DSCAM: variants seen among roughly 807,000 people sequenced by gnomAD.
The protein encoded by DSCAM is DS cell adhesion molecule, also known as cell adhesion molecule DSCAM.
In DSCAM, 47 loss-of-function variants were observed where a neutral mutation model predicts 217.7. The observed-to-expected ratio is 0.22, with a 90% confidence interval of 0.17 to 0.28. DSCAM has a LOEUF of 0.28. Among genes scored for constraint, DSCAM ranks in the 10% least tolerant of loss-of-function variants. The probability of loss-of-function intolerance (pLI) is 1.00; values close to 1 mark genes in which losing one functional copy is unlikely to be tolerated. For synonymous variants in DSCAM, 1,056 were observed against 1,015.3 expected (o/e 1.04, Z -0.76); for missense variants, 2,080 against 2,618.3 (o/e 0.79, Z 4.49).
In DSCAM at chr21:40,807,948, A is replaced by T. The variant is rs184188893; in HGVS notation, c.43+38671T>A. Among the ~76,000 whole-genome samples the T allele has an allele frequency of 2.0e-3, 301 of 152,270 alleles. 4 individuals carry two copies. The South Asian group carries it at 0.024, about 12-fold the overall frequency. ...GTGGCTTTTGTTGTCTATAGTAGAA[A>T]CTGTGGTCTGCTGTCCAGATTCCTA... On this transcript the variant is annotated intron_variant, in intron 1 of 32. Coordinates refer to ENST00000400454, the MANE Select transcript of DSCAM (RefSeq NM_001389.5).
intron 1 of DSCAM, among the ~76,000 whole-genome samples, chr21:40,827,882 T>C (rs2091983116): frequency 1.3e-5 from 2 of 152,118 alleles, no homozygotes; most frequent in African/African-American, 4.8e-5. Context: ...GATTGGAAAA[T>C]GAAAAACTGA....
At chr21:40,042,295 T>C (rs1445214662) in intron 32 of DSCAM, 76 bp downstream of exon 32, 1 of 1,518,494 alleles carries the variant, frequency 6.6e-7, no homozygotes, top group Non-Finnish European at 8.9e-7. Context: ...TGAGAAGGGC[T>C]TTCACAGCAG....
chr21:40,534,527 T>C (rs1448767761), intron 3 of DSCAM, among the ~76,000 whole-genome samples: 4 of 152,140 alleles, frequency 2.6e-5, no homozygotes, highest in Admixed American at 6.5e-5. Context: ...TACCCCGCCT[T>C]GATGTGGACC....
At chr21:40,268,831 A>C (rs1405076775) in intron 11 of DSCAM, among the ~76,000 whole-genome samples, 1 of 152,040 alleles carries the variant, frequency 6.6e-6, no homozygotes, top group Admixed American at 6.5e-5. Context: ...GGCATCTATA[A>C]TAATCCCAGC....
chr21:40,651,132 A>G (rs926123193), intron 3 of DSCAM, among the ~76,000 whole-genome samples: 8 of 152,118 alleles, frequency 5.3e-5, no homozygotes, highest in African/African-American at 1.7e-4. Context: ...ACAGCTGAAG[A>G]TTTGCAGCTC....
At chr21:40,424,641 A>G (rs958421361) in intron 3 of DSCAM, among the ~76,000 whole-genome samples, 21 of 152,314 alleles carry the variant, frequency 1.4e-4, no homozygotes, top group African/African-American at 5.1e-4. Context: ...AAGCTCACAC[A>G]ATTTACTTCA....
chr21:40,585,333 C>CCTAAAAGAACACATA (rs2076937209), intron 3 of DSCAM, among the ~76,000 whole-genome samples: 1 of 52,932 alleles, frequency 1.9e-5, no homozygotes, highest in East Asian at 6.3e-4. Flanking sequence ...AAGAAAAATG[C>CCTAAAAGAACACATA]TGCGTGAACC....
At chr21:40,640,387 C>T (rs2089863128) in intron 3 of DSCAM, among the ~76,000 whole-genome samples, 1 of 152,098 alleles carries the variant, frequency 6.6e-6, no homozygotes, top group Non-Finnish European at 1.5e-5. Flanking sequence ...TTGTCTCTGC[C>T]CTTACCATGT....
intron 3 of DSCAM, among the ~76,000 whole-genome samples, chr21:40,482,802 C>T (rs759877719): frequency 1.3e-5 from 2 of 152,100 alleles, no homozygotes; most frequent in Admixed American, 6.5e-5. Context: ...AGCACACTAC[C>T]TCCACACTTT....
In DSCAM at chr21:40,338,228, T is replaced by C. The variant is rs368790477; in HGVS notation, c.1656A>G (p.Ala552=). 40 of 1,614,278 alleles carry C rather than the reference T, an allele frequency of 2.5e-5. No homozygotes were observed. The African/African-American group carries it at 5.1e-4, about 20-fold the overall frequency. The part of the protein sequence containing the change: ...NLLPFNHRQV[A]FENNGTLKLS... ...GTTTAAGAGTTCCATTGTTCTCAAA[T>C]GCCACTTGGCGGTGGTTGAAAGGAA... Residue 552 remains alanine, a synonymous_variant, in exon 8 of 33, where the codon GCA becomes GCG. Transcript: ENST00000400454.
chr21:40,339,253 A>C lies in DSCAM; in HGVS notation c.1373T>G (p.Met458Arg). The C allele has an allele frequency of 6.2e-7, 1 of 1,614,178 alleles. No homozygotes were observed. Among genetic ancestry groups the C allele is most frequent in the East Asian group, 2.2e-5 (1 of 44,858 alleles). ...LKGGSHRISQ[M>R]ITSEGNVVSY... ...GACCACGTTCCCCTCCGACGTGATCATCTGGCTGATGCGGTGACTGCCACC... is the reference window on the plus strand; with the variant it reads ...GACCACGTTCCCCTCCGACGTGATCCTCTGGCTGATGCGGTGACTGCCACC... Residue 458 changes from methionine to arginine, a missense_variant, in exon 7 of 33, where the codon ATG (methionine) becomes AGG (arginine). By Grantham distance (91) the Met-to-Arg change is moderately conservative. Coordinates refer to ENST00000400454, the MANE Select transcript of DSCAM (RefSeq NM_001389.5).
chr21:40,376,858 G>T (rs148738680), intron 3 of DSCAM, among the ~76,000 whole-genome samples: 58 of 151,980 alleles, frequency 3.8e-4, no homozygotes, highest in African/African-American at 1.4e-3. Context: ...CCCCTAAAGA[G>T]AAGACATCTA....
intron 1 of DSCAM, among the ~76,000 whole-genome samples, chr21:40,789,845 G>A (rs1484108372): frequency 6.6e-6 from 1 of 152,148 alleles, no homozygotes; most frequent in Non-Finnish European, 1.5e-5. Context: ...GTGAGCCACC[G>A]TGCCCGGCCT....
intron 3 of DSCAM, among the ~76,000 whole-genome samples, chr21:40,639,205 C>T (rs2089847418): frequency 6.6e-6 from 1 of 151,966 alleles, no homozygotes; most frequent in African/African-American, 2.4e-5. Context: ...AGGGGAGTAA[C>T]GCCAAAACAC....
intron 1 of DSCAM, among the ~76,000 whole-genome samples, chr21:40,728,058 C>T (rs2090975866): frequency 6.6e-6 from 1 of 152,172 alleles, no homozygotes; most frequent in African/African-American, 2.4e-5. Context: ...CCCCTGACTG[C>T]CTGGTAAAGA....
chr21:40,518,124 G>A (rs923949062), intron 3 of DSCAM, among the ~76,000 whole-genome samples: 4 of 150,904 alleles, frequency 2.7e-5, no homozygotes, highest in Admixed American at 6.7e-5. Flanking sequence ...AGTGAACCTC[G>A]ATACTGAGTA....
chr21:40,050,716 C>T (rs1455544005), intron 30 of DSCAM, among the ~76,000 whole-genome samples: 1 of 152,162 alleles, frequency 6.6e-6, no homozygotes, highest in African/African-American at 2.4e-5. Context: ...CTCCTGACCT[C>T]GTGATCCGAC....
At chr21:40,383,138 G>A (rs2075043719) in intron 3 of DSCAM, 1 of 152,176 alleles carries the variant, frequency 6.6e-6, no homozygotes, top group Non-Finnish European at 1.5e-5. Context: ...ACACCAGCCT[G>A]GCCAACGTGG....
chr21:40,755,176 G>T (rs34735819), intron 1 of DSCAM, among the ~76,000 whole-genome samples: 10 of 152,120 alleles, frequency 6.6e-5, no homozygotes, highest in African/African-American at 2.4e-4. Context: ...GTCCAGTTAC[G>T]GTGGCTCATG....
Sources: allele counts gnomAD v4.1 joint callset (sites outside exome capture counted in the v4.1 genomes callset), GRCh38; gene constraint gnomAD v4.1.1; transcripts MANE v1.5; gene names NCBI Gene and HGNC (gene_info 2026-07-23, HGNC 2026-07-21).